The following DLGAP2 variants were observed in gnomAD, a reference collection of about 807,000 sequenced individuals.
DLGAP2 encodes DLG associated protein 2.
In DLGAP2, 26 loss-of-function variants were observed where a neutral mutation model predicts 100.3. The ratio of observed to expected loss-of-function variants is 0.26; its 90% CI spans 0.19 to 0.36. The LOEUF (loss-of-function observed/expected upper bound fraction) is 0.36. DLGAP2 is among the 10% of genes least tolerant of loss of function. The pLI is 1.00. For missense variants in DLGAP2, 1,858 were observed against 1,453.2 expected (o/e 1.28, Z -4.53); for synonymous variants, 886 against 630.1 (o/e 1.41, Z -6.08).
chr8:1,147,096 A>T (rs1796621970), intron 2 of DLGAP2, among the ~76,000 whole-genome samples: 1 of 152,148 alleles, frequency 6.6e-6, no homozygotes, highest in African/African-American at 2.4e-5. Context: ...GCATCCTTAT[A>T]TTGAGTCTTT....
intron 1 of DLGAP2, among the ~76,000 whole-genome samples, chr8:852,768 C>A (rs1353321351): frequency 6.6e-6 from 1 of 152,184 alleles, no homozygotes; most frequent in Non-Finnish European, 1.5e-5. Flanking sequence ...GCGAGTGTTT[C>A]CTTGGGAAAT....
chr8:965,736 C>T (rs901882300), intron 2 of DLGAP2, among the ~76,000 whole-genome samples: 5 of 140,008 alleles, frequency 3.6e-5, no homozygotes, highest in African/African-American at 1.4e-4. Context: ...CGGCACTGTT[C>T]ACCTCACACG....
At position 1,646,382 on chromosome 8, in the gene DLGAP2, C is replaced by G. The variant is rs570664638; in HGVS notation, c.1810+13336C>G. On this transcript the variant is annotated intron_variant, in intron 8 of 14. Transcript: ENST00000637795. ...TCTCTGTATGTATTCACCTGTGTCT[C>G]TATTGTCTGTCTCTTCCTTACCATC... 2.0e-5 allele frequency among the ~76,000 whole-genome samples: 3 copies of G among 152,308 alleles called. No individual in the cohort carries two copies. The East Asian group carries it at 5.8e-4, about 29-fold the overall frequency.
At chr8:1,614,081 T>G (rs986002377) in intron 6 of DLGAP2, among the ~76,000 whole-genome samples, 8 of 152,098 alleles carry the variant, frequency 5.3e-5, no homozygotes, top group Admixed American at 4.6e-4. Context: ...GGAGGCTGGT[T>G]CACTGCAAGT....
intron 6 of DLGAP2, among the ~76,000 whole-genome samples, chr8:1,614,854 TGCACAC>T (rs1307746501): frequency 7.2e-5 from 11 of 152,164 alleles, no homozygotes; most frequent in Admixed American, 3.3e-4. Flanking sequence ...TGCACACACG[TGCACAC>T]GCACACACAC....
At chr8:1,671,780 G>A (rs1318393298) in intron 10 of DLGAP2, among the ~76,000 whole-genome samples, 1 of 152,184 alleles carries the variant, frequency 6.6e-6, no homozygotes, top group Non-Finnish European at 1.5e-5. Context: ...ACCTGAGTCT[G>A]GCCCTTACAG....
At chr8:994,059 A>C (rs1367494822) in intron 2 of DLGAP2, among the ~76,000 whole-genome samples, 1 of 152,160 alleles carries the variant, frequency 6.6e-6, no homozygotes, top group Non-Finnish European at 1.5e-5. Flanking sequence ...TTGCGTAGAC[A>C]GTACTATGGT....
intron 2 of DLGAP2, among the ~76,000 whole-genome samples, chr8:1,245,492 G>C (rs1798884472): frequency 6.6e-6 from 1 of 152,218 alleles, no homozygotes; most frequent in South Asian, 2.1e-4. Context: ...AGCCAGTCAT[G>C]AAAACCACAG....
At chr8:1,085,927 C>T (rs1803960598) in intron 2 of DLGAP2, among the ~76,000 whole-genome samples, 1 of 152,264 alleles carries the variant, frequency 6.6e-6, no homozygotes, top group Non-Finnish European at 1.5e-5. Context: ...TTTGTATCTT[C>T]AGTTGTCTTT....
At chr8:1,036,941 A>G (rs566860576) in intron 2 of DLGAP2, among the ~76,000 whole-genome samples, 1 of 152,016 alleles carries the variant, frequency 6.6e-6, no homozygotes, top group East Asian at 2.0e-4. Context: ...CAGTTCCTAA[A>G]GTCCGTGCTC....
chr8:1,554,583 G>T (rs74576137), intron 5 of DLGAP2, among the ~76,000 whole-genome samples: 1 of 152,054 alleles, frequency 6.6e-6, no homozygotes, highest in East Asian at 1.9e-4. Context: ...TCCTGAGCCC[G>T]GGTCCTGTCT....
At chr8:1,583,958 C>T (rs1796032743) in intron 6 of DLGAP2, among the ~76,000 whole-genome samples, 1 of 152,064 alleles carries the variant, frequency 6.6e-6, no homozygotes, top group African/African-American at 2.4e-5. Flanking sequence ...TCCTTCCATG[C>T]CCAGCTCTGA....
At chr8:1,516,225 GAATGAGTGAGTTACTGAGTA>G (rs545560423) in intron 4 of DLGAP2, among the ~76,000 whole-genome samples, 33 of 152,270 alleles carry the variant, frequency 2.2e-4, no homozygotes, top group African/African-American at 7.5e-4. Context: ...ATGAGTGAGT[GAATGAGTGAGTTACTGAGTA>G]AATGAGTGAG....
Position 1,293,151 on chromosome 8 carries a change from C to T in DLGAP2, c.106+34268C>T, listed in dbSNP as rs141936126. Among the ~76,000 whole-genome samples the T allele has an allele frequency of 1.7e-3, 257 of 152,300 alleles. 2 individuals carry two copies. Among genetic ancestry groups the T allele is most frequent in the Middle Eastern group, 6.8e-3 (2 of 294 alleles). On this transcript the variant is annotated intron_variant, in intron 3 of 14. Transcript: ENST00000637795. ...TGTGTGTCTGAAAATCCCTCCCTGT[C>T]TCCCCCTCTCTCTCTGTCTCTGTCT...
In DLGAP2 at chr8:1,530,960, A is replaced by C. The variant is rs573117202; in HGVS notation, c.173-17666A>C. 2.0e-5 allele frequency among the ~76,000 whole-genome samples: 3 copies of C among 152,360 alleles called. No homozygotes were observed. In the South Asian group the frequency reaches 6.2e-4, roughly 32 times the overall value. On this transcript the variant is annotated intron_variant, in intron 4 of 14. Coordinates refer to ENST00000637795, the MANE Select transcript of DLGAP2 (RefSeq NM_001346810.2). Reference sequence around the variant, plus strand: ...GTAGGCTGAAATTCCAACTGTAAAGAACATTTTTGGATTCCATATATAAAT... The same window carrying C: ...GTAGGCTGAAATTCCAACTGTAAAGCACATTTTTGGATTCCATATATAAAT...
At chr8:1,605,458 A>C (rs917224782) in intron 6 of DLGAP2, among the ~76,000 whole-genome samples, 1 of 152,166 alleles carries the variant, frequency 6.6e-6, no homozygotes, top group Admixed American at 6.5e-5. Flanking sequence ...AGATGATCAC[A>C]AGAGTCTCTG....
At chr8:1,521,042 G>A (rs185379308) in intron 4 of DLGAP2, among the ~76,000 whole-genome samples, 77 of 152,284 alleles carry the variant, frequency 5.1e-4, no homozygotes, top group African/African-American at 1.5e-3. Context: ...GATTCTGGCC[G>A]TTCTATTCGG....
intron 3 of DLGAP2, among the ~76,000 whole-genome samples, chr8:1,366,065 G>T (rs1048919953): frequency 1.3e-5 from 2 of 152,260 alleles, no homozygotes; most frequent in African/African-American, 4.8e-5. Context: ...GGCAGGGGCA[G>T]ATGTGCCTTA....
At chr8:1,009,111 C>G (rs13252587) in intron 2 of DLGAP2, among the ~76,000 whole-genome samples, 51 of 152,326 alleles carry the variant, frequency 3.3e-4, no homozygotes, top group African/African-American at 1.2e-3. Context: ...TGGGGACCCT[C>G]TTCCATGTGG....
Sources: allele counts gnomAD v4.1 joint callset (sites outside exome capture counted in the v4.1 genomes callset), GRCh38; gene constraint gnomAD v4.1.1; transcripts MANE v1.5; gene names NCBI Gene and HGNC (gene_info 2026-07-23, HGNC 2026-07-21).